The following RYR2 variants were observed in gnomAD, a reference collection of about 807,000 sequenced individuals.
The protein encoded by RYR2 is cardiac muscle ryanodine receptor-calcium release channel.
RYR2 carries 227 observed loss-of-function variants against 601.1 expected under a neutral mutation model. The observed-to-expected ratio is 0.38, with a 90% confidence interval of 0.34 to 0.42. RYR2 has a LOEUF of 0.42. RYR2 is among the 10% of genes least tolerant of loss of function. The pLI is 1.00. For synonymous variants in RYR2, 2,223 were observed against 2,175.1 expected (o/e 1.02, Z -0.61); for missense variants, 4,646 against 6,156.5 (o/e 0.75, Z 8.21).
chr1:237,149,349 C>A (rs1259008706), intron 1 of RYR2, among the ~76,000 whole-genome samples: 1 of 151,834 alleles, frequency 6.6e-6, no homozygotes, highest in African/African-American at 2.4e-5. Flanking sequence ...AAACAAAAAA[C>A]CCCCGAAAAC....
At chr1:237,369,178 G>A (rs1700444262) in intron 5 of RYR2, among the ~76,000 whole-genome samples, 1 of 152,098 alleles carries the variant, frequency 6.6e-6, no homozygotes, top group Admixed American at 6.5e-5. Context: ...TAGGCACCTG[G>A]AATACAATGG....
In RYR2 at chr1:237,590,655, G is replaced by A. The variant is rs769294223; in HGVS notation, c.3823G>A (p.Gly1275Ser). Residue 1275 changes from glycine to serine, a missense_variant, in exon 31 of 105, where the codon GGC becomes AGC. Coordinates refer to ENST00000366574, the MANE Select transcript of RYR2 (RefSeq NM_001035.3). ...CGTTTGCTAGGTGACCAGAATAGAC[G>A]GCACCATAGACAGTTCCCCATGTTT... ...HEHIEVTRID[G>S]TIDSSPCLKV... 1.3e-6 allele frequency: 2 copies of A among 1,528,150 alleles called. No individual in the cohort carries two copies. Among genetic ancestry groups the A allele is most frequent in the African/African-American group, 1.4e-5 (1 of 72,296 alleles). 94.7% of individuals were successfully genotyped at this position (1,528,150 alleles called of 1,614,324 possible). A position where few individuals can be genotyped will look rare whatever the true frequency, so the allele number is the denominator to read the frequency against.
Position 237,328,149 on chromosome 1 carries a change from G to A in RYR2, c.169-2729G>A, listed in dbSNP as rs192545029. ...AAATGGGCAAATGCTACAAATCAAG[G>A]CATTTTTTTTCAAGTCAGTTCACCA... On this transcript the variant is annotated intron_variant, in intron 2 of 104. Coordinates refer to ENST00000366574, the MANE Select transcript of RYR2 (RefSeq NM_001035.3). Among the ~76,000 whole-genome samples the A allele has an allele frequency of 3.3e-5, 5 of 152,210 alleles. No individual in the cohort carries two copies. The East Asian group carries it at 5.8e-4, about 18-fold the overall frequency.
intron 1 of RYR2, among the ~76,000 whole-genome samples, chr1:237,213,331 C>A (rs1682797349): frequency 6.6e-6 from 1 of 152,030 alleles, no homozygotes; most frequent in Non-Finnish European, 1.5e-5. Context: ...GCATGCACCA[C>A]CACACCCAGC....
In RYR2 at chr1:237,643,337, C is replaced by A. The variant is rs781674330; in HGVS notation, c.7232C>A (p.Ala2411Asp). Residue 2411 changes from alanine (A) to aspartate (D), a missense_variant, in exon 48 of 105, where the codon GCC becomes GAC. By Grantham distance (126) the Ala-to-Asp change is moderately radical. Coordinates refer to ENST00000366574, the MANE Select transcript of RYR2 (RefSeq NM_001035.3). ...TTTTCCCCTGTATAGTTGATTCATG[C>A]CGGGAAGGGAGAAGCCATCAGAATT... Reference protein sequence around the residue: ...RCAPEMHLIHAGKGEAIRIRS... With the variant: ...RCAPEMHLIHDGKGEAIRIRS... 1 of 1,613,272 alleles carries A rather than the reference C, an allele frequency of 6.2e-7. No individual in the cohort carries two copies. Among genetic ancestry groups the A allele is most frequent in the Admixed American group, 1.7e-5 (1 of 59,990 alleles).
chr1:237,134,103 C>A (rs1369694343), intron 1 of RYR2, among the ~76,000 whole-genome samples: 1 of 152,086 alleles, frequency 6.6e-6, no homozygotes. Context: ...ACTGATCCAG[C>A]ACTTGTGATA....
chr1:237,094,266 A>T (rs1179948446), intron 1 of RYR2, among the ~76,000 whole-genome samples: 1 of 152,212 alleles, frequency 6.6e-6, no homozygotes, highest in East Asian at 1.9e-4. Flanking sequence ...ATTGCCACCA[A>T]TTTATTGGTT....
At chr1:237,208,819 T>C (rs1164832401) in intron 1 of RYR2, among the ~76,000 whole-genome samples, 1 of 151,194 alleles carries the variant, frequency 6.6e-6, no homozygotes, top group African/African-American at 2.4e-5. Flanking sequence ...CCAGAACTTA[T>C]TTGTTTTATA....
chr1:237,827,002 C>G (rs1240167949), intron 101 of RYR2, among the ~76,000 whole-genome samples: 1 of 152,164 alleles, frequency 6.6e-6, no homozygotes, highest in Non-Finnish European at 1.5e-5. Flanking sequence ...TTTTCTCTCT[C>G]AGAAAAGTCA....
At chr1:237,762,859 C>T (rs1183217395) in intron 84 of RYR2, among the ~76,000 whole-genome samples, 3 of 152,100 alleles carry the variant, frequency 2.0e-5, no homozygotes, top group Non-Finnish European at 4.4e-5. Context: ...CCTTTTCTTT[C>T]GACTACTGTA....
chr1:237,685,787 G>A (rs147585077), intron 62 of RYR2, among the ~76,000 whole-genome samples: 107 of 152,122 alleles, frequency 7.0e-4, no homozygotes, highest in African/African-American at 2.4e-3. Flanking sequence ...GCAGGTCAAG[G>A]GCCTCATGAC....
At chr1:237,799,968 GC>G (rs143586852) in intron 97 of RYR2, 5,916 of 151,224 alleles carry the variant, frequency 0.039, 129 homozygotes, top group Middle Eastern at 0.11. Context: ...GAGTCCCCCC[GC>G]CCCCCAACCA....
At chr1:237,759,210 C>T (rs1474572085) in intron 82 of RYR2, among the ~76,000 whole-genome samples, 9 of 152,232 alleles carry the variant, frequency 5.9e-5, no homozygotes, top group African/African-American at 2.2e-4. Context: ...CCTCAGCCTC[C>T]CGAGTAGCTG....
In RYR2 at chr1:237,493,036, T is replaced by C. The variant is rs1558913121; in HGVS notation, c.1910T>C (p.Leu637Pro). The C allele has an allele frequency of 6.2e-7, 1 of 1,612,918 alleles. No homozygotes were observed. Among genetic ancestry groups the C allele is most frequent in the Non-Finnish European group, 8.5e-7 (1 of 1,179,484 alleles). Residue 637 changes from leucine (L) to proline (P), a missense_variant, in exon 19 of 105, where the codon CTA becomes CCA. Physicochemically the swap from Leu to Pro is moderately conservative, Grantham distance 98. This residue lies in a region of RYR2 where 1,807 missense variants were observed against 2,088.1 expected (regional missense o/e 0.87). Coordinates refer to ENST00000366574, the MANE Select transcript of RYR2 (RefSeq NM_001035.3). ...CAGCATCTCATCTGTGACAATCTCC[T>C]ACCAGGAAGAGACTTGTTATTGCAG... ...SNQHLICDNL[L>P]PGRDLLLQTR...
At chr1:237,384,892 A>AT (rs1230539432) in intron 8 of RYR2, among the ~76,000 whole-genome samples, 29 of 146,946 alleles carry the variant, frequency 2.0e-4, no homozygotes, top group East Asian at 9.1e-4. Flanking sequence ...TTTATTTATT[A>AT]TTTTATTTTT....
intron 1 of RYR2, among the ~76,000 whole-genome samples, chr1:237,074,635 C>A (rs773690544): frequency 6.6e-6 from 1 of 152,172 alleles, no homozygotes; most frequent in Non-Finnish European, 1.5e-5. Context: ...TCAGTCACCA[C>A]GGGTAGAATG....
chr1:237,140,368 T>C (rs16834884), intron 1 of RYR2, among the ~76,000 whole-genome samples: 6,610 of 152,278 alleles, frequency 0.043, 452 homozygotes, highest in African/African-American at 0.15. Context: ...GGAAACTTTT[T>C]ATAAGGCCAT....
At chr1:237,595,319 C>T (rs192720485) in intron 33 of RYR2, among the ~76,000 whole-genome samples, 179 bp from the exon 34 acceptor site, 1 of 152,250 alleles carries the variant, frequency 6.6e-6, no homozygotes, top group South Asian at 2.1e-4. Context: ...TGATTCAGAA[C>T]GTCCACTGCA....
chr1:237,189,398 C>T (rs1040819816), intron 1 of RYR2, among the ~76,000 whole-genome samples: 2 of 152,162 alleles, frequency 1.3e-5, no homozygotes, highest in Admixed American at 1.3e-4. Flanking sequence ...GATTCTGCAT[C>T]TTGTATATGT....
Sources: gnomAD v4.1 joint callset for allele counts (sites outside exome capture counted in the v4.1 genomes callset) on GRCh38, gnomAD v4.1.1 for gene constraint, gnomAD v4.1.1 regional missense constraint, MANE v1.5 for transcripts, NCBI Gene and HGNC (gene_info 2026-07-23, HGNC 2026-07-21) for gene names.